FRMPD4: variants seen among roughly 807,000 people sequenced by gnomAD.
FRMPD4 encodes FERM and PDZ domain-containing protein 4.
In FRMPD4, 22 loss-of-function variants were observed where a neutral mutation model predicts 94.1. The observed-to-expected ratio is 0.23, with a 90% CI of 0.17 to 0.33. The LOEUF (loss-of-function observed/expected upper bound fraction) is 0.33. FRMPD4 is among the 10% of genes least tolerant of loss of function. FRMPD4 has a pLI of 1.00. For missense variants in FRMPD4, 1,111 were observed against 1,339.9 expected (o/e 0.83, Z 2.67); for synonymous variants, 631 against 548.6 (o/e 1.15, Z -2.10).
At chrX:12,174,799 C>A (rs1052680830) in intron 1 of FRMPD4, among the ~76,000 whole-genome samples, 2 of 112,257 alleles carry the variant, frequency 1.8e-5, no homozygotes, top group African/African-American at 6.5e-5. Context: ...CCTTCCTACC[C>A]TTAAACAAGC....
chrX:12,547,665 T>A (rs894258141), intron 2 of FRMPD4, among the ~76,000 whole-genome samples: 5 of 111,996 alleles, frequency 4.5e-5, no homozygotes. Flanking sequence ...TTTACAAGAA[T>A]GCTTAAACAA....
chrX:12,535,539 G>A (rs769416783), intron 2 of FRMPD4, among the ~76,000 whole-genome samples: 2 of 112,346 alleles, frequency 1.8e-5, no homozygotes, highest in South Asian at 7.5e-4. Context: ...AGGTTCAAAT[G>A]TCAGCTCCAT....
intron 4 of FRMPD4, among the ~76,000 whole-genome samples, chrX:12,662,370 G>C (rs772336931): frequency 4.6e-5 from 5 of 108,769 alleles, no homozygotes; most frequent in Admixed American, 9.9e-5. Flanking sequence ...CCCCCCGACA[G>C]GGCCCGGTGT....
At chrX:12,341,410 C>G (rs1320878996) in intron 1 of FRMPD4, among the ~76,000 whole-genome samples, 17 of 111,378 alleles carry the variant, frequency 1.5e-4, no homozygotes, top group Non-Finnish European at 2.8e-4. Context: ...CTTTCTAATT[C>G]ATGGGCACTT....
intron 3 of FRMPD4, among the ~76,000 whole-genome samples, chrX:12,016,018 T>G (rs1259254532): frequency 8.9e-6 from 1 of 112,577 alleles, no homozygotes; most frequent in Non-Finnish European, 1.9e-5. Flanking sequence ...TTACTTGCAG[T>G]GGCACAGAAA....
chrX:12,202,857 A>G (rs2056646894), intron 1 of FRMPD4, among the ~76,000 whole-genome samples: 1 of 111,631 alleles, frequency 9.0e-6, no homozygotes, highest in African/African-American at 3.3e-5. Context: ...ACTCCAAGAA[A>G]AGGAATGCCA....
At chrX:12,461,189 A>G (rs1259084527) in intron 1 of FRMPD4, among the ~76,000 whole-genome samples, 1 of 112,045 alleles carries the variant, frequency 8.9e-6, no homozygotes, top group Non-Finnish European at 1.9e-5. Context: ...AGTCACCATG[A>G]TGTGCAGACT....
chrX:12,277,817 T>G (rs907219309), intron 1 of FRMPD4, among the ~76,000 whole-genome samples: 8 of 112,356 alleles, frequency 7.1e-5, no homozygotes, highest in Non-Finnish European at 1.1e-4. Context: ...ATGGCACATC[T>G]CTATTTGGAC....
At chrX:12,379,645 G>A (rs1284221746) in intron 1 of FRMPD4, among the ~76,000 whole-genome samples, 5 of 58,124 alleles carry the variant, frequency 8.6e-5, no homozygotes, top group Non-Finnish European at 1.3e-4. Flanking sequence ...ATGCTGCCGT[G>A]TGTGTGTGTG....
chrX:11,960,286 C>T (rs189234357), intron 3 of FRMPD4, among the ~76,000 whole-genome samples: 5 of 111,952 alleles, frequency 4.5e-5, no homozygotes, highest in Non-Finnish European at 9.4e-5. Flanking sequence ...ATTTTAAAGG[C>T]TGAAAAATAA....
upstream of FRMPD4, among the ~76,000 whole-genome samples, chrX:12,135,667 G>C (rs1208299296): frequency 9.1e-6 from 1 of 110,215 alleles, no homozygotes. Context: ...ACAGCAAGCT[G>C]TTCCAGGTAG....
intron 1 of FRMPD4, among the ~76,000 whole-genome samples, chrX:12,474,320 G>T (rs900853623): frequency 7.2e-5 from 8 of 110,837 alleles, no homozygotes; most frequent in African/African-American, 9.9e-5. Flanking sequence ...AGTGTGTAGA[G>T]GGAAATTTAC....
intron 2 of FRMPD4, among the ~76,000 whole-genome samples, chrX:12,500,449 C>T (rs2057907036): frequency 9.0e-6 from 1 of 111,435 alleles, no homozygotes; most frequent in Admixed American, 9.5e-5. Context: ...GACAGTTTCT[C>T]AGTCTCTGAA....
At chrX:12,014,105 T>C (rs1354977276) in intron 3 of FRMPD4, among the ~76,000 whole-genome samples, 1 of 112,069 alleles carries the variant, frequency 8.9e-6, no homozygotes, top group Non-Finnish European at 1.9e-5. Context: ...AGGAGTCATC[T>C]ACTCAGATTT....
chrX:12,672,441 G>T (rs747209794), intron 4 of FRMPD4, among the ~76,000 whole-genome samples: 1 of 112,168 alleles, frequency 8.9e-6, no homozygotes, highest in Non-Finnish European at 1.9e-5. Context: ...CATACTTTGG[G>T]CCTGCCTCAG....
intron 2 of FRMPD4, among the ~76,000 whole-genome samples, chrX:11,874,903 A>G (rs2053774962): frequency 8.9e-6 from 1 of 111,866 alleles, no homozygotes; most frequent in South Asian, 3.8e-4. Context: ...GAAAATTCAT[A>G]GGGAGCTCAT....
intron 2 of FRMPD4, among the ~76,000 whole-genome samples, chrX:12,595,206 A>G (rs2059020307): frequency 8.9e-6 from 1 of 111,835 alleles, no homozygotes; most frequent in Non-Finnish European, 1.9e-5. Context: ...ACAGAAAGGC[A>G]TAAAGAGCTA....
intron 1 of FRMPD4, among the ~76,000 whole-genome samples, chrX:12,427,750 A>G (rs2056961831): frequency 9.0e-6 from 1 of 111,304 alleles, no homozygotes; most frequent in Non-Finnish European, 1.9e-5. Context: ...CCAGACACAA[A>G]TATATTTAAC....
rs767371379 is a variant in FRMPD4 at position 12,455,926 on chromosome X, C to T, written c.42-42754C>T. 3.6e-5 allele frequency among the ~76,000 whole-genome samples: 4 copies of T among 111,654 alleles called. No homozygotes were observed. In the East Asian group the frequency reaches 1.1e-3, roughly 31 times the overall value. ...TCTCCTGCCTCAGCCTCCCGAGTAG[C>T]TGGGATTATAGGCATGCACCACCGT... On this transcript the variant is annotated intron_variant, in intron 1 of 16. Transcript: ENST00000675598.
Sources: allele counts gnomAD v4.1 joint callset (sites outside exome capture counted in the v4.1 genomes callset), GRCh38; gene constraint gnomAD v4.1.1; transcripts MANE v1.5; gene names NCBI Gene and HGNC (gene_info 2026-07-23, HGNC 2026-07-21).